Variants in ERC2 observed in about 807,000 individuals in gnomAD.
ERC2 encodes ERC protein 2.
A neutral mutation model predicts 114.8 loss-of-function variants in ERC2; 42 were observed. That is an observed-to-expected ratio of 0.37 (90% confidence interval 0.29 to 0.47). The LOEUF is 0.47. Among genes scored for constraint, ERC2 ranks in the 20% least tolerant of loss-of-function variants. The pLI, the probability that ERC2 is intolerant of heterozygous loss-of-function variation, is 0.99. For missense variants in ERC2, 939 were observed against 1,150.7 expected (o/e 0.82, Z 2.66); for synonymous variants, 454 against 425.5 (o/e 1.07, Z -0.82).
intron 2 of ERC2, among the ~76,000 whole-genome samples, chr3:56,400,186 C>T (rs2060468791): frequency 2.0e-5 from 3 of 152,068 alleles, no homozygotes; most frequent in Admixed American, 6.5e-5. Context: ...GAGACTAAAA[C>T]ATTTATGGAG....
At chr3:56,024,633 A>G (rs1019700896) in intron 7 of ERC2, among the ~76,000 whole-genome samples, 41 of 152,378 alleles carry the variant, frequency 2.7e-4, no homozygotes, top group African/African-American at 9.1e-4. Flanking sequence ...ACCAAGTGTT[A>G]GCAGTTTCAT....
chr3:55,952,877 T>A (rs550304086), intron 12 of ERC2, among the ~76,000 whole-genome samples: 1 of 152,144 alleles, frequency 6.6e-6, no homozygotes, highest in Non-Finnish European at 1.5e-5. Context: ...AACCCACGTG[T>A]CCCTTAAAGC....
At chr3:55,802,912 C>T (rs2059357787) in intron 14 of ERC2, among the ~76,000 whole-genome samples, 1 of 152,216 alleles carries the variant, frequency 6.6e-6, no homozygotes, top group Non-Finnish European at 1.5e-5. Flanking sequence ...ATGCCAGCTT[C>T]AGTGTTCTGG....
At chr3:55,780,619 G>A (rs554945024) in intron 14 of ERC2, among the ~76,000 whole-genome samples, 174 of 152,234 alleles carry the variant, frequency 1.1e-3, no homozygotes, top group Middle Eastern at 3.4e-3. Context: ...GTTATTTACT[G>A]AGTATGTCAC....
intron 17 of ERC2, among the ~76,000 whole-genome samples, chr3:55,563,876 C>G (rs2056197139): frequency 6.6e-6 from 1 of 152,220 alleles, no homozygotes. Flanking sequence ...AATAAATATT[C>G]TTTTCAGCTT....
intron 3 of ERC2, among the ~76,000 whole-genome samples, chr3:56,237,647 A>C (rs2150194245): frequency 6.6e-6 from 1 of 152,330 alleles, no homozygotes; most frequent in East Asian, 1.9e-4. Context: ...TGAACTATAA[A>C]GTCACATTGC....
At chr3:55,765,317 T>A (rs561946550) in intron 14 of ERC2, among the ~76,000 whole-genome samples, 1 of 152,320 alleles carries the variant, frequency 6.6e-6, no homozygotes, top group South Asian at 2.1e-4. Flanking sequence ...CCAAGAATGA[T>A]CTGAAGTCTA....
At chr3:55,769,664 C>G (rs2068057061) in intron 14 of ERC2, among the ~76,000 whole-genome samples, 1 of 152,000 alleles carries the variant, frequency 6.6e-6, no homozygotes, top group African/African-American at 2.4e-5. Context: ...TGGGTTCAAT[C>G]TAATGTATAG....
chr3:55,536,724 G>T (rs2054022776), intron 17 of ERC2, among the ~76,000 whole-genome samples: 1 of 152,170 alleles, frequency 6.6e-6, no homozygotes, highest in South Asian at 2.1e-4. Flanking sequence ...ATAACTGAAG[G>T]GTAGGAGCCC....
chr3:56,099,912 A>G (rs944518561), intron 6 of ERC2, among the ~76,000 whole-genome samples: 3 of 152,096 alleles, frequency 2.0e-5, no homozygotes, highest in Non-Finnish European at 4.4e-5. Flanking sequence ...CCTTCCTCCA[A>G]AACTCTTTGC....
chr3:56,213,817 C>A (rs1008932060), intron 3 of ERC2, among the ~76,000 whole-genome samples: 28 of 152,246 alleles, frequency 1.8e-4, no homozygotes, highest in African/African-American at 6.7e-4. Context: ...TCAGACAAAA[C>A]TTCCAGAGGA....
intron 14 of ERC2, among the ~76,000 whole-genome samples, chr3:55,785,011 C>A (rs374434892): frequency 6.6e-6 from 1 of 152,028 alleles, no homozygotes; most frequent in Non-Finnish European, 1.5e-5. Flanking sequence ...GAAAGCCTCA[C>A]GAAGGAAGGA....
At chr3:56,110,121 T>C (rs532647455) in intron 6 of ERC2, among the ~76,000 whole-genome samples, 3 of 152,304 alleles carry the variant, frequency 2.0e-5, no homozygotes, top group African/African-American at 7.2e-5. Flanking sequence ...CCCTGCAATA[T>C]AATTAAAGTT....
At chr3:56,237,223 T>C (rs970782906) in intron 3 of ERC2, among the ~76,000 whole-genome samples, 4 of 152,176 alleles carry the variant, frequency 2.6e-5, no homozygotes, top group Non-Finnish European at 5.9e-5. Flanking sequence ...CCAGCATCAG[T>C]GGAGATCTCC....
chr3:56,222,338 T>C (rs1160407252), intron 3 of ERC2, among the ~76,000 whole-genome samples: 1 of 152,202 alleles, frequency 6.6e-6, no homozygotes, highest in Non-Finnish European at 1.5e-5. Flanking sequence ...ACATTCCTCT[T>C]AGTTTCCCAT....
intron 10 of ERC2, among the ~76,000 whole-genome samples, chr3:55,999,620 G>A (rs1220853177): frequency 2.0e-5 from 3 of 151,472 alleles, no homozygotes; most frequent in African/African-American, 7.3e-5. Context: ...AAAATAATAA[G>A]TATATCATTT....
intron 3 of ERC2, among the ~76,000 whole-genome samples, chr3:56,197,245 G>C (rs1228425215): frequency 6.6e-6 from 1 of 152,156 alleles, no homozygotes; most frequent in Admixed American, 6.5e-5. Flanking sequence ...CTGTGTCTCA[G>C]CTTCAGTATC....
intron 2 of ERC2, among the ~76,000 whole-genome samples, chr3:56,333,975 C>A (rs572635437): frequency 6.6e-6 from 1 of 152,304 alleles, no homozygotes; most frequent in Non-Finnish European, 1.5e-5. Flanking sequence ...GGTTTGTAAT[C>A]TTATTAATCT....
chr3:55,991,335 G>A (rs1221024414), intron 11 of ERC2, among the ~76,000 whole-genome samples: 2 of 152,218 alleles, frequency 1.3e-5, no homozygotes, highest in Non-Finnish European at 2.9e-5. Context: ...ATGGAGTTAT[G>A]TAGGATTTTT....
Sources: allele counts gnomAD v4.1 joint callset (sites outside exome capture counted in the v4.1 genomes callset), GRCh38; gene constraint gnomAD v4.1.1; transcripts MANE v1.5; gene names NCBI Gene and HGNC (gene_info 2026-07-23, HGNC 2026-07-21).